TTLL11: variants seen among roughly 807,000 people sequenced by gnomAD.
The protein encoded by TTLL11 is tubulin tyrosine ligase like 11.
In TTLL11, 42 loss-of-function variants were observed where a neutral mutation model predicts 51.7. The observed-to-expected ratio is 0.81, with a 90% CI of 0.64 to 1.05. TTLL11 has a LOEUF of 1.05. TTLL11 is among the 50% of genes least tolerant of loss of function. The pLI, the probability that TTLL11 is intolerant of heterozygous loss-of-function variation, is 0.00. For missense variants in TTLL11, 799 were observed against 940.4 expected (o/e 0.85, Z 1.97); for synonymous variants, 381 against 383.5 (o/e 0.99, Z 0.08).
chr9:121,845,561 T>C (rs1308424022), intron 8 of TTLL11, among the ~76,000 whole-genome samples: 1 of 152,174 alleles, frequency 6.6e-6, no homozygotes, highest in African/African-American at 2.4e-5. Flanking sequence ...AAAGTAATAA[T>C]AGCAACACTG....
chr9:121,871,402 C>T (rs1838351212), intron 6 of TTLL11, among the ~76,000 whole-genome samples: 2 of 152,158 alleles, frequency 1.3e-5, no homozygotes, highest in Admixed American at 1.3e-4. Context: ...ATTCCCCCTG[C>T]CCCAAATCTA....
chr9:122,051,396 C>G (rs118036989), intron 1 of TTLL11, among the ~76,000 whole-genome samples: 1,814 of 152,274 alleles, frequency 0.012, 13 homozygotes, highest in Non-Finnish European at 0.019. Flanking sequence ...TTTAACATAC[C>G]CTGCAGTTTC....
At chr9:121,970,403 A>T (rs2131644637) in intron 6 of TTLL11, among the ~76,000 whole-genome samples, 1 of 152,338 alleles carries the variant, frequency 6.6e-6, no homozygotes, top group East Asian at 1.9e-4. Flanking sequence ...ATTTAATGAA[A>T]ATACAGTAGA....
At chr9:121,940,999 C>T (rs1429239181) in intron 6 of TTLL11, among the ~76,000 whole-genome samples, 2 of 152,192 alleles carry the variant, frequency 1.3e-5, no homozygotes, top group African/African-American at 4.8e-5. Context: ...CAATTAATTT[C>T]ACAATGTCGA....
chr9:121,918,233 A>G (rs1840408899), intron 6 of TTLL11, among the ~76,000 whole-genome samples: 1 of 152,194 alleles, frequency 6.6e-6, no homozygotes, highest in Non-Finnish European at 1.5e-5. Context: ...TGGGCCATGA[A>G]TGTGCAGAGT....
intron 3 of TTLL11, among the ~76,000 whole-genome samples, chr9:122,030,203 G>T (rs75499532): frequency 3.8e-5 from 2 of 53,072 alleles, no homozygotes; most frequent in East Asian, 4.4e-4. Flanking sequence ...GAGAGACATT[G>T]GGGGGGGGGG....
At chr9:121,915,984 CACACAT>C (rs1484191317) in intron 6 of TTLL11, among the ~76,000 whole-genome samples, 2,196 of 77,374 alleles carry the variant, frequency 0.028, 33 homozygotes, top group African/African-American at 0.043. Flanking sequence ...GACAAAGACA[CACACAT>C]ACACACACAC....
In TTLL11 at chr9:121,852,678, G is replaced by A. The variant is rs564023056; in HGVS notation, c.1840+7659C>T. On this transcript the variant is annotated intron_variant, in intron 8 of 8. Coordinates refer to ENST00000321582, the MANE Select transcript of TTLL11 (RefSeq NM_001139442.2). ...CGGGTGTGACTCCACCTAGTCTGGTGGCACTACGGGTGCAGAAGTGGCTTT... is the reference window on the plus strand; with the variant it reads ...CGGGTGTGACTCCACCTAGTCTGGTAGCACTACGGGTGCAGAAGTGGCTTT... Among the ~76,000 whole-genome samples, 6 of 152,278 alleles carry A rather than the reference G, an allele frequency of 3.9e-5. No homozygotes were observed. The South Asian group carries it at 1.2e-3, about 32-fold the overall frequency.
In TTLL11 at chr9:121,819,698, G is replaced by A. The variant is rs1476977321; in HGVS notation, c.*2889C>T. 1.3e-5 allele frequency among the ~76,000 whole-genome samples: 2 copies of A among 152,110 alleles called. No homozygotes were observed. Among genetic ancestry groups the A allele is most frequent in the Non-Finnish European group, 2.9e-5 (2 of 68,032 alleles). On this transcript the variant is annotated 3_prime_UTR_variant, in exon 9 of 9. Coordinates refer to ENST00000321582, the MANE Select transcript of TTLL11 (RefSeq NM_001139442.2). Reference sequence around the variant, plus strand: ...GGGCTTATCCTGCAGCAAAGCACAGGGGCTGCCCAGCTATGTGTGCCGTGC... The same window carrying A: ...GGGCTTATCCTGCAGCAAAGCACAGAGGCTGCCCAGCTATGTGTGCCGTGC...
chr9:121,822,855 T>G lies in TTLL11; in HGVS notation c.1865A>C (p.Glu622Ala). The G allele has an allele frequency of 6.4e-7, 1 of 1,551,252 alleles. No homozygotes were observed. The highest frequency in any genetic ancestry group is 1.4e-5 in the African/African-American group (1 of 73,124). Residue 622 changes from glutamate to alanine, a missense_variant, in exon 9 of 9, where the codon GAA becomes GCA. Around this residue, in one of 3 missense-constraint regions of TTLL11, gnomAD observed 165 missense variants for 166.1 expected, o/e 0.99. Coordinates refer to ENST00000321582, the MANE Select transcript of TTLL11 (RefSeq NM_001139442.2). The surrounding 1 kb of genome is among the most constrained non-coding windows in gnomAD (Gnocchi z 5.8). Reference sequence around the variant, plus strand: ...CCTCTGAGCCAGGAAAAAGAAAGCTTCTACGAAGGCCTGCAGACACATCCC... The same window carrying G: ...CCTCTGAGCCAGGAAAAAGAAAGCTGCTACGAAGGCCTGCAGACACATCCC... Reference protein sequence around the residue: ...DSGMCLQAFVEAFFFLAQRKF... With the variant: ...DSGMCLQAFVAAFFFLAQRKF...
At chr9:122,028,568 A>G (rs1055999782) in intron 3 of TTLL11, among the ~76,000 whole-genome samples, 12 of 152,234 alleles carry the variant, frequency 7.9e-5, no homozygotes, top group African/African-American at 2.9e-4. Context: ...AGAGAAGCAG[A>G]CAATCCAAAA....
chr9:121,901,053 G>T (rs1273522330), intron 6 of TTLL11, among the ~76,000 whole-genome samples: 1 of 152,178 alleles, frequency 6.6e-6, no homozygotes, highest in East Asian at 1.9e-4. Flanking sequence ...GGGATTACAG[G>T]AGTGAGCCAC....
chr9:121,950,587 C>T (rs1022368988), intron 6 of TTLL11, among the ~76,000 whole-genome samples: 1 of 152,144 alleles, frequency 6.6e-6, no homozygotes, highest in African/African-American at 2.4e-5. Flanking sequence ...TTCAGAGAGC[C>T]TGGCTTCTCC....
chr9:121,852,354 A>C (rs1837686311), intron 8 of TTLL11, among the ~76,000 whole-genome samples: 1 of 152,178 alleles, frequency 6.6e-6, no homozygotes, highest in African/African-American at 2.4e-5. Flanking sequence ...CCAGAGGTGC[A>C]GTGCCCCCTC....
intron 1 of TTLL11, among the ~76,000 whole-genome samples, chr9:122,081,959 T>C (rs1846012847): frequency 6.6e-6 from 1 of 152,218 alleles, no homozygotes; most frequent in Admixed American, 6.5e-5. Flanking sequence ...AATTAACTTA[T>C]GCAAAAAGTT....
rs1842596355 is a variant in TTLL11 at position 121,972,144 on chromosome 9, A to G, written c.1481+1865T>C. 2.6e-5 allele frequency among the ~76,000 whole-genome samples: 4 copies of G among 152,168 alleles called. No homozygotes were observed. The South Asian group carries it at 8.3e-4, about 31-fold the overall frequency. On this transcript the variant is annotated intron_variant, in intron 6 of 8. Coordinates refer to ENST00000321582, the MANE Select transcript of TTLL11 (RefSeq NM_001139442.2). ...TTAAAGTATGAAAAAGAAAAAAAAA[A>G]AAAAAGAATGCTGATGTGTCAAAGT...
At chr9:121,962,431 C>G (rs530338637) in intron 6 of TTLL11, among the ~76,000 whole-genome samples, 1 of 152,290 alleles carries the variant, frequency 6.6e-6, no homozygotes, top group South Asian at 2.1e-4. Flanking sequence ...CTTCCTCTCC[C>G]AAGCCTACTT....
chr9:121,843,732 G>T (rs1376198328), intron 8 of TTLL11, among the ~76,000 whole-genome samples: 1 of 152,200 alleles, frequency 6.6e-6, no homozygotes, highest in East Asian at 1.9e-4. Flanking sequence ...GAGTGCAGTG[G>T]TGCAACCACA....
chr9:121,915,452 C>T (rs556588243), intron 6 of TTLL11, among the ~76,000 whole-genome samples: 1 of 152,272 alleles, frequency 6.6e-6, no homozygotes, highest in East Asian at 1.9e-4. Context: ...CTTCTGACTT[C>T]CCGATACATC....
Sources: gnomAD v4.1 joint callset for allele counts (sites outside exome capture counted in the v4.1 genomes callset) on GRCh38, gnomAD v4.1.1 for gene constraint, gnomAD v4.1.1 regional missense constraint, Gnocchi (gnomAD v3.1) non-coding constraint, MANE v1.5 for transcripts, NCBI Gene and HGNC (gene_info 2026-07-23, HGNC 2026-07-21) for gene names.